Variants in UBE2D3 observed in about 807,000 individuals in gnomAD.
UBE2D3 encodes ubiquitin conjugating enzyme E2 D3.
Under a neutral mutation model 22.8 loss-of-function variants are expected in UBE2D3, and 2 were observed. The observed-to-expected ratio is 0.09, with a 90% CI of 0.04 to 0.28. UBE2D3 has a LOEUF of 0.28. Among genes scored for constraint, UBE2D3 ranks in the 10% least tolerant of loss-of-function variants. UBE2D3 has a pLI of 1.00. For missense variants in UBE2D3, 27 were observed against 182.5 expected (o/e 0.15, Z 4.91); for synonymous variants, 56 against 60.4 (o/e 0.93, Z 0.34).
intron 4 of UBE2D3, among the ~76,000 whole-genome samples, chr4:102,805,495 C>T (rs201668703): frequency 1.1e-3 from 152 of 140,672 alleles, no homozygotes; most frequent in African/African-American, 3.8e-3. Flanking sequence ...CGTTGGTATT[C>T]TTTTTTTTTT....
At chr4:102,846,439 G>A (rs192456271) in intron 1 of UBE2D3, among the ~76,000 whole-genome samples, 346 of 152,282 alleles carry the variant, frequency 2.3e-3, no homozygotes, top group Admixed American at 7.7e-3. Context: ...ATTCTTAGGT[G>A]AGTGCACCCA....
At chr4:102,830,507 G>A (rs1336408583), upstream of UBE2D3, among the ~76,000 whole-genome samples, 1 of 152,152 alleles carries the variant, frequency 6.6e-6, no homozygotes, top group Non-Finnish European at 1.5e-5. Flanking sequence ...TAAAAACTTT[G>A]TAAATATAGT....
chr4:102,814,457 C>CTTTTTTTTTTTTTTTTTTTT (rs574701413), intron 2 of UBE2D3, among the ~76,000 whole-genome samples: 3 of 119,142 alleles, frequency 2.5e-5, no homozygotes, highest in Non-Finnish European at 5.1e-5. Flanking sequence ...CCTGGCTATT[C>CTTTTTTTTTTTTTTTTTTTT]TTTTTTTTTT....
intron 2 of UBE2D3, among the ~76,000 whole-genome samples, chr4:102,814,609 CTTACTT>C (rs1435717024): frequency 6.6e-6 from 1 of 151,986 alleles, no homozygotes; most frequent in East Asian, 1.9e-4. Context: ...GGCCTGCAGT[CTTACTT>C]TTAATCTTAC....
rs1725226549 is a variant in UBE2D3, at chr4:102,795,904, A to G, written c.*1511T>C. The stretch of plus-strand genomic sequence containing the variant: ...ATGGGATCAGAATTAGGAAAGGTGA[A>G]GAATGGTAATGCCCTTGTTACTACA... On this transcript the variant is annotated 3_prime_UTR_variant, in exon 8 of 8. Coordinates refer to ENST00000453744, the MANE Select transcript of UBE2D3 (RefSeq NM_181891.3). 6.6e-6 allele frequency: 1 copy of G among 152,504 alleles called. No individual in the cohort carries two copies. The highest frequency in any genetic ancestry group is 1.5e-5 in the Non-Finnish European group (1 of 67,926). The allele number at this position is 152,504 out of a possible 1,614,324, so 9.4% of individuals were successfully genotyped here.
chr4:102,810,665 T>C (rs1374241430), intron 2 of UBE2D3: 2 of 152,186 alleles, frequency 1.3e-5, no homozygotes, highest in Non-Finnish European at 2.9e-5. Flanking sequence ...AGAAAGACGT[T>C]TGCTCTTAAC....
rs536026585 is a variant in UBE2D3 at position 102,838,313 on chromosome 4, TAC to T, written c.-128-11679_-128-11678del. On this transcript the variant is annotated intron_variant, in intron 1 of 7. Transcript: ENST00000338145. ...TATTGTATCTGCATGGTGGAAGTATTACAGTTTGATAGTGTGCACCTCTTCCC... is the reference window on the plus strand; with the variant it reads ...TATTGTATCTGCATGGTGGAAGTATTAGTTTGATAGTGTGCACCTCTTCCC... Among the ~76,000 whole-genome samples the T allele has an allele frequency of 1.4e-3, 207 of 152,296 alleles. 1 individual carries two copies. The highest frequency in any genetic ancestry group is 1.9e-3 in the South Asian group (9 of 4,826).
At chr4:102,809,763 G>A (rs1727662035) in intron 3 of UBE2D3, 29 bp downstream of exon 3, 3 of 1,613,054 alleles carry the variant, frequency 1.9e-6, no homozygotes, top group Non-Finnish European at 1.7e-6. Flanking sequence ...AAAAAATTAG[G>A]CATAAAAATC....
At chr4:102,864,818 T>C (rs536802464) in intron 1 of UBE2D3, among the ~76,000 whole-genome samples, 1 of 152,316 alleles carries the variant, frequency 6.6e-6, no homozygotes, top group Admixed American at 6.5e-5. Flanking sequence ...CAGTATGGTA[T>C]TGTTATAGAG....
At chr4:102,802,453 T>C (rs1415243601) in intron 5 of UBE2D3, 108 bp downstream of exon 5, 20 of 847,114 alleles carry the variant, frequency 2.4e-5, no homozygotes, top group Non-Finnish European at 3.2e-5. Context: ...ATGAGTGCAA[T>C]TCAACATATA....
intron 1 of UBE2D3, among the ~76,000 whole-genome samples, chr4:102,850,497 T>A (rs1732287157): frequency 6.6e-6 from 1 of 152,150 alleles, no homozygotes; most frequent in Non-Finnish European, 1.5e-5. Context: ...CAGAAGGAAT[T>A]TCTCTTTCTT....
chr4:102,799,693 C>T (rs984261995), intron 6 of UBE2D3, among the ~76,000 whole-genome samples, 193 bp from the exon 7 acceptor site: 6 of 151,742 alleles, frequency 4.0e-5, no homozygotes, highest in Non-Finnish European at 1.5e-5. Flanking sequence ...GTGCTAAAAA[C>T]AGGGTTTTGT....
At chr4:102,856,364 C>T (rs1483021354) in intron 1 of UBE2D3, among the ~76,000 whole-genome samples, 1 of 151,980 alleles carries the variant, frequency 6.6e-6, no homozygotes, top group African/African-American at 2.4e-5. Context: ...AAGACGGTCT[C>T]AAAAATAATA....
At chr4:102,865,450 C>T (rs1248096872) in intron 1 of UBE2D3, among the ~76,000 whole-genome samples, 4 of 150,124 alleles carry the variant, frequency 2.7e-5, no homozygotes, top group African/African-American at 9.8e-5. Context: ...TGAGATCGCG[C>T]CATTGCACTC....
At chr4:102,857,327 A>G (rs1239023753) in intron 1 of UBE2D3, among the ~76,000 whole-genome samples, 1 of 152,258 alleles carries the variant, frequency 6.6e-6, no homozygotes, top group South Asian at 2.1e-4. Context: ...TGGCCCAAAC[A>G]TAAAATAATA....
At chr4:102,825,631 T>C in intron 2 of UBE2D3, 1 of 1,168,676 alleles carries the variant, frequency 8.6e-7, no homozygotes, top group Non-Finnish European at 1.1e-6. Flanking sequence ...TCCTAGTTTT[T>C]TTTCAACTTA....
chr4:102,828,247 G>A (rs1457608043), upstream of UBE2D3: 18 of 985,340 alleles, frequency 1.8e-5, no homozygotes, highest in Admixed American at 9.8e-4. Flanking sequence ...GTGGTGGGAG[G>A]TGCCAAGGAT....
Position 102,826,627 on chromosome 4 carries a change from A to G in UBE2D3, c.-119T>C. On this transcript the variant is annotated 5_prime_UTR_variant, in exon 2 of 8. Transcript: ENST00000453744. ...TCTCGTCTCACACCAGCTCTGCCAG[A>G]CACAGGCGCCTTTTGCAAAAACGGA... The G allele has an allele frequency of 6.3e-7, 1 of 1,580,746 alleles. No homozygotes were observed. Among genetic ancestry groups the G allele is most frequent in the South Asian group, 1.1e-5 (1 of 89,746 alleles).
intron 2 of UBE2D3, among the ~76,000 whole-genome samples, chr4:102,824,768 C>A (rs541550714): frequency 6.6e-6 from 1 of 152,330 alleles, no homozygotes; most frequent in East Asian, 1.9e-4. Context: ...GTGGCCTGAA[C>A]TAATTCCAAC....
Sources: allele counts gnomAD v4.1 joint callset (sites outside exome capture counted in the v4.1 genomes callset), GRCh38; gene constraint gnomAD v4.1.1; transcripts MANE v1.5; gene names NCBI Gene and HGNC (gene_info 2026-07-23, HGNC 2026-07-21).